SGCE: variants seen among roughly 807,000 people sequenced by gnomAD.
SGCE encodes epsilon-sarcoglycan.
In SGCE, 26 loss-of-function variants were observed where a neutral mutation model predicts 57.8. That is an observed-to-expected ratio of 0.45 (90% CI 0.33 to 0.62). The LOEUF is 0.62. SGCE is among the 20% of genes least tolerant of loss of function. The pLI is 0.02. For synonymous variants in SGCE, 183 were observed against 189.5 expected (o/e 0.97, Z 0.28); for missense variants, 468 against 548.6 (o/e 0.85, Z 1.47).
intron 9 of SGCE, chr7:94,590,026 C>A (rs1797459002): frequency 6.6e-6 from 1 of 152,064 alleles, no homozygotes; most frequent in African/African-American, 2.4e-5. Context: ...TCAATATTTC[C>A]TTGTATCTAT....
At chr7:94,600,597 GTTATC>G (rs777368840) in intron 7 of SGCE, 44 bp downstream of exon 7, 3 of 1,365,286 alleles carry the variant, frequency 2.2e-6, no homozygotes, top group African/African-American at 1.4e-5. Flanking sequence ...CTTCTATGTT[GTTATC>G]TTAGCAGGAT....
At position 94,601,443 on chromosome 7, in the gene SGCE, C is replaced by CAAAAAAAAAAA. The variant is rs71123905; in HGVS notation, c.826-597_826-587dup. ...GTCTTACTTAATTCTATCCCAGTAT[C>CAAAAAAAAAAA]AAAAAAAAAAAAAAAAAAAAAAAAA... On this transcript the variant is annotated intron_variant, in intron 6 of 10. Coordinates refer to ENST00000648936, the MANE Select transcript of SGCE (RefSeq NM_003919.3). Among the ~76,000 whole-genome samples the CAAAAAAAAAAA allele has an allele frequency of 2.0e-3, 181 of 89,252 alleles. 29 individuals are homozygous for CAAAAAAAAAAA. The highest frequency in any genetic ancestry group is 6.0e-3 in the African/African-American group (104 of 17,262). 58.6% of individuals were successfully genotyped at this position (89,252 alleles called of 152,430 possible). A position where few individuals can be genotyped will look rare whatever the true frequency, so the allele number is the denominator to read the frequency against.
chr7:94,609,898 C>G (rs762606873), intron 5 of SGCE, among the ~76,000 whole-genome samples: 2 of 152,128 alleles, frequency 1.3e-5, no homozygotes, highest in Admixed American at 6.6e-5. Context: ...ACACAAAAGC[C>G]TGCACATGGA....
At chr7:94,651,240 T>C (rs1182615485) in intron 1 of SGCE, among the ~76,000 whole-genome samples, 1 of 152,246 alleles carries the variant, frequency 6.6e-6, no homozygotes, top group Non-Finnish European at 1.5e-5. Flanking sequence ...AGCACAGCAT[T>C]GCAGCCCACT....
chr7:94,647,584 G>C (rs971791923), intron 1 of SGCE, among the ~76,000 whole-genome samples: 3 of 152,156 alleles, frequency 2.0e-5, no homozygotes, highest in Non-Finnish European at 4.4e-5. Flanking sequence ...TTAGTATAAA[G>C]ATTAAATCCT....
At chr7:94,608,801 G>A (rs1339173910) in intron 5 of SGCE, among the ~76,000 whole-genome samples, 2 of 152,134 alleles carry the variant, frequency 1.3e-5, no homozygotes, top group South Asian at 2.1e-4. Context: ...TGGCAAAGGA[G>A]CAAAGGCAAT....
At chr7:94,636,925 C>T (rs12704727) in intron 1 of SGCE, among the ~76,000 whole-genome samples, 20,424 of 151,688 alleles carry the variant, frequency 0.13, 1,541 homozygotes, top group South Asian at 0.24. Context: ...ATTAGCAGGG[C>T]GTGGTGGTGG....
At chr7:94,616,756 T>C (rs1584627009) in intron 5 of SGCE, 1 of 152,210 alleles carries the variant, frequency 6.6e-6, no homozygotes, top group African/African-American at 2.4e-5. Flanking sequence ...ACAAACTTTT[T>C]TTTCGAATTA....
intron 5 of SGCE, among the ~76,000 whole-genome samples, chr7:94,604,991 A>T (rs565002927): frequency 5.3e-5 from 8 of 151,658 alleles, no homozygotes; most frequent in African/African-American, 1.9e-4. Context: ...TTGAAAACTA[A>T]TCATAGAATT....
At chr7:94,612,544 A>G (rs960838344) in intron 5 of SGCE, among the ~76,000 whole-genome samples, 32 of 152,178 alleles carry the variant, frequency 2.1e-4, no homozygotes, top group African/African-American at 7.7e-4. Context: ...TTATTCCGCA[A>G]TTATTTCAGA....
chr7:94,612,317 C>T (rs943449387), intron 5 of SGCE, among the ~76,000 whole-genome samples: 1 of 151,966 alleles, frequency 6.6e-6, no homozygotes, highest in South Asian at 2.1e-4. Context: ...GGTATAAAAA[C>T]AAAACTCATT....
At position 94,651,939 on chromosome 7, in the gene SGCE, T is replaced by A. The variant is rs574474064; in HGVS notation, c.109+4051A>T. Among the ~76,000 whole-genome samples the A allele has an allele frequency of 2.9e-3, 428 of 147,504 alleles. 6 individuals are homozygous for A. Among genetic ancestry groups the A allele is most frequent in the African/African-American group, 9.7e-3 (397 of 40,790 alleles). Reference sequence around the variant, plus strand: ...ACATTGGCTTTTTCTTCTTTATTATTTTTTTTTTTTGTTTCTCGTACTGCT... The same window carrying A: ...ACATTGGCTTTTTCTTCTTTATTATATTTTTTTTTTGTTTCTCGTACTGCT... On this transcript the variant is annotated intron_variant, in intron 1 of 10. Transcript: ENST00000648936.
chr7:94,610,985 A>C (rs901334484), intron 5 of SGCE, among the ~76,000 whole-genome samples: 2 of 152,182 alleles, frequency 1.3e-5, no homozygotes, highest in Non-Finnish European at 1.5e-5. Flanking sequence ...TATAATCAAA[A>C]AGGCAGATAA....
chr7:94,654,742 T>C (rs1300936397), intron 1 of SGCE, among the ~76,000 whole-genome samples: 2 of 152,250 alleles, frequency 1.3e-5, no homozygotes, highest in Non-Finnish European at 2.9e-5. Flanking sequence ...ATAAGTCAAA[T>C]TCTTATTGAT....
chr7:94,643,746 G>C (rs1806699907), intron 1 of SGCE, among the ~76,000 whole-genome samples: 1 of 152,130 alleles, frequency 6.6e-6, no homozygotes, highest in Admixed American at 6.5e-5. Flanking sequence ...GTATAGAAAA[G>C]TATTGTATTC....
intron 1 of SGCE, chr7:94,639,357 A>G: frequency 6.5e-7 from 1 of 1,532,962 alleles, no homozygotes; most frequent in African/African-American, 1.4e-5. Flanking sequence ...TCATCCCAGC[A>G]GCCATTTTTC....
At chr7:94,587,049 A>T in intron 10 of SGCE, 1 of 984,950 alleles carries the variant, frequency 1.0e-6, no homozygotes, top group Non-Finnish European at 1.2e-6. Flanking sequence ...AGGAGAGCAA[A>T]GCTTTCTTGA....
intron 5 of SGCE, chr7:94,617,007 G>A (rs1562839323): frequency 1.3e-5 from 2 of 152,212 alleles, no homozygotes; most frequent in African/African-American, 4.8e-5. Context: ...CTGACGGCAT[G>A]TGCCACCCTC....
chr7:94,654,221 A>G (rs1178015483), intron 1 of SGCE, among the ~76,000 whole-genome samples: 1 of 152,198 alleles, frequency 6.6e-6, no homozygotes, highest in Non-Finnish European at 1.5e-5. Flanking sequence ...CGTTTTTTAA[A>G]AAAAGTCCTG....
Sources: gnomAD v4.1 joint callset for allele counts (sites outside exome capture counted in the v4.1 genomes callset) on GRCh38, gnomAD v4.1.1 for gene constraint, MANE v1.5 for transcripts, NCBI Gene and HGNC (gene_info 2026-07-23, HGNC 2026-07-21) for gene names.